Variants in TBK1 observed in about 807,000 individuals in gnomAD.
TBK1 encodes serine/threonine-protein kinase TBK1.
TBK1 carries 37 observed loss-of-function variants against 99.9 expected under a neutral mutation model. The ratio of observed to expected loss-of-function variants is 0.37; its 90% CI spans 0.28 to 0.49. The LOEUF (loss-of-function observed/expected upper bound fraction) is 0.49. Among genes scored for constraint, TBK1 ranks in the 20% least tolerant of loss-of-function variants. TBK1 has a pLI of 0.98. For synonymous variants in TBK1, 258 were observed against 279.8 expected (o/e 0.92, Z 0.78); for missense variants, 644 against 872.5 (o/e 0.74, Z 3.30).
At chr12:64,485,317 G>A (rs953600860) in intron 9 of TBK1, 138 bp from the exon 10 acceptor site, 3 of 467,582 alleles carry the variant, frequency 6.4e-6, no homozygotes. Flanking sequence ...TGTTTGAAGT[G>A]GTGTTTTTTT....
At chr12:64,475,441 C>A (rs534686980) in intron 6 of TBK1, among the ~76,000 whole-genome samples, 2 of 152,096 alleles carry the variant, frequency 1.3e-5, no homozygotes, top group Admixed American at 6.6e-5. Context: ...CTTTTGGAGT[C>A]CTCAGTGTCT....
Position 64,485,848 on chromosome 12 carries a change from T to G in TBK1, c.1249-78T>G, listed in dbSNP as rs922427055. On this transcript the variant is annotated intron_variant, in intron 10 of 20. Coordinates refer to ENST00000331710, the MANE Select transcript of TBK1 (RefSeq NM_013254.4). ...TTAACCTGATAAAAATGTGTAAGCTTGAATAATTTTGTGTAAAAGTTTTTC... is the reference window on the plus strand; with the variant it reads ...TTAACCTGATAAAAATGTGTAAGCTGGAATAATTTTGTGTAAAAGTTTTTC... The G allele has an allele frequency of 1.2e-5, 12 of 1,019,936 alleles. No individual in the cohort carries two copies. In the African/African-American group the frequency reaches 1.8e-4, roughly 16 times the overall value. 63.2% of individuals were successfully genotyped at this position (1,019,936 alleles called of 1,614,324 possible). A position where few individuals can be genotyped will look rare whatever the true frequency, so the allele number is the denominator to read the frequency against.
chr12:64,489,396 C>T (rs935813033), intron 12 of TBK1, among the ~76,000 whole-genome samples: 3 of 152,190 alleles, frequency 2.0e-5, no homozygotes, highest in African/African-American at 7.2e-5. Context: ...TAAATGAAAT[C>T]AGTATTCACT....
intron 1 of TBK1, among the ~76,000 whole-genome samples, chr12:64,455,040 T>C (rs966082045): frequency 2.1e-5 from 3 of 142,376 alleles, no homozygotes; most frequent in Non-Finnish European, 3.0e-5. Flanking sequence ...CAGGCTGGAA[T>C]AGGGTGGCAC....
intron 5 of TBK1, 23 bp from the exon 6 acceptor site, chr12:64,474,207 T>C: frequency 6.3e-7 from 1 of 1,591,192 alleles, no homozygotes; most frequent in East Asian, 2.2e-5. Context: ...TTCATGATTT[T>C]TTTCTTTTTT....
rs772948239 is a variant in TBK1, at chr12:64,497,687, A to G, written c.1999A>G (p.Ser667Gly). ...GCCTCAGAAAATGTTTACAGCTTCC[A>G]GTGGAATCAAACATACCATGACCCC... ...TLPQKMFTAS[S>G]GIKHTMTPIY... Residue 667 changes from serine (S) to glycine (G), a missense_variant, in exon 19 of 21, where the codon AGT becomes GGT. Transcript: ENST00000331710. 10 of 1,598,628 alleles carry G rather than the reference A, an allele frequency of 6.3e-6. No individual in the cohort carries two copies. The South Asian group carries it at 1.1e-4, about 18-fold the overall frequency.
At chr12:64,472,381 A>G (rs2040671725) in intron 5 of TBK1, among the ~76,000 whole-genome samples, 1 of 151,776 alleles carries the variant, frequency 6.6e-6, no homozygotes, top group Non-Finnish European at 1.5e-5. Context: ...TCCCTGGGCC[A>G]TAGCTAAATC....
intron 20 of TBK1, among the ~76,000 whole-genome samples, chr12:64,500,279 C>T (rs2040975368): frequency 6.6e-6 from 1 of 152,096 alleles, no homozygotes; most frequent in Admixed American, 6.6e-5. Context: ...TCTGTCCCAA[C>T]TCAGTTTTCT....
rs780576145 is a variant in TBK1, at chr12:64,497,980, A to G, written c.2079A>G (p.Leu693=). The G allele has an allele frequency of 6.2e-7, 1 of 1,606,216 alleles. No individual in the cohort carries two copies. The highest frequency in any genetic ancestry group is 8.5e-7 in the Non-Finnish European group (1 of 1,178,052). Residue 693 remains leucine, a synonymous_variant, in exon 20 of 21, where the codon TTA becomes TTG. Transcript: ENST00000331710. ...TTTATTTTATTAGTATGAAGAAATT[A>G]AAGGAAGAGATGGAAGGGGTGGTTA... The part of the protein sequence containing the change: ...LVEMTLGMKK[L]KEEMEGVVKE...
chr12:64,486,025 A>G lies in TBK1; in HGVS notation c.1340+8A>G, dbSNP rs2040817313. The G allele has an allele frequency of 2.6e-6, 4 of 1,554,660 alleles. No homozygotes were observed. The highest frequency in any genetic ancestry group is 3.5e-6 in the Non-Finnish European group (4 of 1,151,562). ...GGGGATACGATGGCTGATGTAAGTA[A>G]TAGATTGAAATTTTGAAATTGATTT... On this transcript the variant is annotated splice_region_variant and intron_variant, in intron 11 of 20. Transcript: ENST00000331710.
intron 6 of TBK1, among the ~76,000 whole-genome samples, chr12:64,477,666 G>A (rs775111392): frequency 6.6e-6 from 1 of 152,084 alleles, no homozygotes; most frequent in Non-Finnish European, 1.5e-5. Flanking sequence ...TGATTGCTCT[G>A]GCTGAGACTT....
At chr12:64,460,568 G>A (rs2136056953) in intron 3 of TBK1, among the ~76,000 whole-genome samples, 1 of 152,242 alleles carries the variant, frequency 6.6e-6, no homozygotes, top group East Asian at 1.9e-4. Context: ...GGGTGCAGTG[G>A]CTCACACCTA....
At chr12:64,500,670 A>G (rs1036444618) in intron 20 of TBK1, among the ~76,000 whole-genome samples, 2 of 149,054 alleles carry the variant, frequency 1.3e-5, no homozygotes, top group African/African-American at 5.0e-5. Context: ...TTTACTTCCC[A>G]CTGCTCCCCA....
At chr12:64,489,827 T>G (rs2040852451) in intron 12 of TBK1, among the ~76,000 whole-genome samples, 1 of 151,716 alleles carries the variant, frequency 6.6e-6, no homozygotes, top group African/African-American at 2.4e-5. Flanking sequence ...CTTCCCACCT[T>G]GACCTCCCAA....
At position 64,488,516 on chromosome 12, in the gene TBK1, CTG is replaced by C; in HGVS notation, c.1372_1373del (p.Val458SerfsTer18). 2 of 1,597,748 alleles carry C rather than the reference CTG, an allele frequency of 1.3e-6. No homozygotes were observed. The highest frequency in any genetic ancestry group is 1.7e-6 in the Non-Finnish European group (2 of 1,173,942). ...TTAATTAAAGATGATTACAATGAAA[CTG>C]TTCACAAAAAGACAGAAGTTGTGAT... On this transcript the variant is annotated frameshift_variant, in exon 12 of 21. Transcript: ENST00000331710. LOFTEE classifies it high-confidence loss of function.
At chr12:64,452,588 G>T (rs2040439561) in intron 1 of TBK1, 1 of 152,190 alleles carries the variant, frequency 6.6e-6, no homozygotes, top group East Asian at 1.9e-4. Flanking sequence ...CCTTAGACTC[G>T]CTGTTTTCTA....
intron 8 of TBK1, 35 bp from the exon 9 acceptor site, chr12:64,484,268 C>T: frequency 7.0e-7 from 1 of 1,428,854 alleles, no homozygotes; most frequent in Non-Finnish European, 9.7e-7. Flanking sequence ...ACTTTATCCC[C>T]AGTTATAGTG....
Position 64,478,276 on chromosome 12 carries a change from G to A in TBK1, c.702-1736G>A, listed in dbSNP as rs1056394530. 5.3e-5 allele frequency among the ~76,000 whole-genome samples: 8 copies of A among 152,166 alleles called. 3 individuals are homozygous for A. Among genetic ancestry groups the A allele is most frequent in the Admixed American group, 4.6e-4 (7 of 15,280 alleles). On this transcript the variant is annotated intron_variant, in intron 6 of 20. Transcript: ENST00000331710. Reference sequence around the variant, plus strand: ...AGCAATTCTCCTGCCTCAGCCTCCCGAATAGCTGGGATTACAGGCACCCAC... The same window carrying A: ...AGCAATTCTCCTGCCTCAGCCTCCCAAATAGCTGGGATTACAGGCACCCAC...
chr12:64,462,717 AG>A (rs1339589370), intron 3 of TBK1, among the ~76,000 whole-genome samples: 1 of 152,192 alleles, frequency 6.6e-6, no homozygotes, highest in African/African-American at 2.4e-5. Context: ...AAGGATAAAA[AG>A]TTGGAGATGA....
Sources: allele counts gnomAD v4.1 joint callset (sites outside exome capture counted in the v4.1 genomes callset), GRCh38; gene constraint gnomAD v4.1.1; transcripts MANE v1.5; gene names NCBI Gene and HGNC (gene_info 2026-07-23, HGNC 2026-07-21).